The following SLC4A7 variants were observed in gnomAD, a reference collection of about 807,000 sequenced individuals.
The protein encoded by SLC4A7 is sodium bicarbonate cotransporter 3.
In SLC4A7, 51 loss-of-function variants were observed where a neutral mutation model predicts 137.6. That is an observed-to-expected ratio of 0.37 (90% CI 0.30 to 0.47). SLC4A7 has a LOEUF of 0.47. SLC4A7 is among the 20% of genes least tolerant of loss of function. The pLI is 1.00. For synonymous variants in SLC4A7, 542 were observed against 518.6 expected, an observed-to-expected ratio of 1.05 and a Z score of -0.61; for missense variants, 1,247 against 1,525.4, an observed-to-expected ratio of 0.82 and a Z score of 3.04.
At chr3:27,400,688 G>A in intron 16 of SLC4A7, 76 bp downstream of exon 16, 2 of 811,356 alleles carry the variant, frequency 2.5e-6, no homozygotes, top group Non-Finnish European at 4.0e-6. Context: ...AAGAGAAAAT[G>A]GATGTCTGAT....
chr3:27,479,984 C>T (rs1357773943), intron 1 of SLC4A7, among the ~76,000 whole-genome samples: 1 of 152,028 alleles, frequency 6.6e-6, no homozygotes, highest in East Asian at 1.9e-4. Context: ...AAGAAAACAC[C>T]CATTACAGGA....
chr3:27,413,038 ACTG>A (rs2054057989), intron 11 of SLC4A7, among the ~76,000 whole-genome samples: 1 of 152,166 alleles, frequency 6.6e-6, no homozygotes, highest in Admixed American at 6.5e-5. Flanking sequence ...ACTTTTAAAG[ACTG>A]CTGTTTGAAA....
At chr3:27,418,716 T>A in intron 10 of SLC4A7, 84 bp from the exon 11 acceptor site, 2 of 775,726 alleles carry the variant, frequency 2.6e-6, no homozygotes, top group Non-Finnish European at 4.2e-6. Context: ...ATATCATAAA[T>A]AGCTTCACAA....
chr3:27,427,696 C>G (rs200191666), intron 7 of SLC4A7, among the ~76,000 whole-genome samples: 2 of 152,000 alleles, frequency 1.3e-5, no homozygotes, highest in Non-Finnish European at 2.9e-5. Flanking sequence ...CTTTAAGCAC[C>G]GAAAGTAATT....
chr3:27,415,991 C>A (rs1161931366), intron 11 of SLC4A7, among the ~76,000 whole-genome samples: 2 of 152,190 alleles, frequency 1.3e-5, no homozygotes, highest in Non-Finnish European at 2.9e-5. Context: ...TTCTATGGTA[C>A]ATACCAAGAA....
intron 14 of SLC4A7, 81 bp from the exon 15 acceptor site, chr3:27,403,465 G>T: frequency 1.2e-6 from 1 of 856,826 alleles, no homozygotes; most frequent in Non-Finnish European, 1.8e-6. Flanking sequence ...GCAAGCAATG[G>T]GAACAGCAAG....
rs1450997297 is a variant in SLC4A7, at chr3:27,443,033, T to TC, written c.290-5508_290-5507insG. Among the ~76,000 whole-genome samples the TC allele has an allele frequency of 6.4e-4, 63 of 98,644 alleles. 2 individuals are homozygous for TC. Among genetic ancestry groups the TC allele is most frequent in the Non-Finnish European group, 1.2e-3 (54 of 45,768 alleles). The allele number at this position is 98,644 out of a possible 152,430, so 64.7% of individuals were successfully genotyped here. ...GGGCATTCTCTTTTTTCTTTTTTTC[T>TC]TTTTTTTTTTTTTTTTGAGATGGAG... On this transcript the variant is annotated intron_variant, in intron 3 of 25. Coordinates refer to ENST00000454389, the MANE Select transcript of SLC4A7 (RefSeq NM_001321103.2).
intron 24 of SLC4A7, among the ~76,000 whole-genome samples, chr3:27,381,367 T>TC (rs1224548773): frequency 6.6e-6 from 1 of 152,212 alleles, no homozygotes; most frequent in Admixed American, 6.5e-5. Flanking sequence ...TCATGGTAGT[T>TC]CCTATACTCT....
chr3:27,442,997 G>A (rs2057318698), intron 3 of SLC4A7, among the ~76,000 whole-genome samples: 1 of 148,936 alleles, frequency 6.7e-6, no homozygotes, highest in East Asian at 2.0e-4. Context: ...ACAGGCATTA[G>A]CCACCGCGCT....
At chr3:27,394,282 T>G (rs7623550) in intron 20 of SLC4A7, among the ~76,000 whole-genome samples, 140,724 of 152,180 alleles carry the variant, frequency 0.92, 65,175 homozygotes, top group East Asian at 1. Context: ...GCCTCCCAAA[T>G]TGCTGGGATT....
rs2049864527 is a variant in SLC4A7 at position 27,375,832 on chromosome 3, C to T, written c.*932G>A. On this transcript the variant is annotated 3_prime_UTR_variant, in exon 26 of 26. Coordinates refer to ENST00000454389, the MANE Select transcript of SLC4A7 (RefSeq NM_001321103.2). ...AATAAAGTAATACTGATCATAGACCCTTCTGAGAGAATTCTAACTCCTGAT... is the reference window on the plus strand; with the variant it reads ...AATAAAGTAATACTGATCATAGACCTTTCTGAGAGAATTCTAACTCCTGAT... The T allele has an allele frequency of 6.6e-6, 1 of 151,918 alleles. No individual in the cohort carries two copies. The highest frequency in any genetic ancestry group is 2.1e-4 in the South Asian group (1 of 4,826). 9.4% of individuals were successfully genotyped at this position (151,918 alleles called of 1,614,324 possible). A position where few individuals can be genotyped will look rare whatever the true frequency, so the allele number is the denominator to read the frequency against.
At chr3:27,465,965 AAG>A (rs71925275) in intron 1 of SLC4A7, among the ~76,000 whole-genome samples, 21,958 of 137,734 alleles carry the variant, frequency 0.16, 2,348 homozygotes, top group Non-Finnish European at 0.23. Context: ...AAAAAAAAAA[AAG>A]AAAGAAAGAA....
rs749688841 is a variant in SLC4A7, at chr3:27,431,532, A to G, written c.916T>C (p.Ser306Pro). ...PSSRAGTPAG[S>P]RCTTPVPTPQ... ...GTGGGTACTGGGGTTGTACACCTTGAGCCTGCAGGGGTTCCAGCTCTTGAA... is the reference window on the plus strand; with the variant it reads ...GTGGGTACTGGGGTTGTACACCTTGGGCCTGCAGGGGTTCCAGCTCTTGAA... Residue 306 changes from serine to proline, a missense_variant, in exon 7 of 26, where the codon TCA becomes CCA. Coordinates refer to ENST00000454389, the MANE Select transcript of SLC4A7 (RefSeq NM_001321103.2). The G allele has an allele frequency of 6.2e-7, 1 of 1,614,120 alleles. No individual in the cohort carries two copies. Among genetic ancestry groups the G allele is most frequent in the South Asian group, 1.1e-5 (1 of 91,076 alleles).
In SLC4A7 at chr3:27,439,620, T is replaced by C. The variant is rs567930363; in HGVS notation, c.290-2094A>G. 1.4e-4 allele frequency among the ~76,000 whole-genome samples: 22 copies of C among 152,330 alleles called. No homozygotes were observed. The South Asian group carries it at 4.6e-3, about 32-fold the overall frequency. ...GCTAAACTCACTTAGTTCTCTTAAG[T>C]ATTGTAGATTGCTTAGGATTTGCTA... On this transcript the variant is annotated intron_variant, in intron 3 of 25. Coordinates refer to ENST00000454389, the MANE Select transcript of SLC4A7 (RefSeq NM_001321103.2).
chr3:27,377,023 A>T (rs1559606072), intron 25 of SLC4A7, among the ~76,000 whole-genome samples, 178 bp from the exon 26 acceptor site: 1 of 152,154 alleles, frequency 6.6e-6, no homozygotes, highest in East Asian at 1.9e-4. Context: ...AATATTAAAA[A>T]TTGTTTTTTA....
intron 18 of SLC4A7, among the ~76,000 whole-genome samples, chr3:27,396,660 T>C (rs184761448): frequency 2.0e-5 from 3 of 152,188 alleles, no homozygotes; most frequent in Admixed American, 6.5e-5. Flanking sequence ...TAATATAAAA[T>C]AAAATGATCT....
intron 1 of SLC4A7, among the ~76,000 whole-genome samples, chr3:27,458,761 T>A (rs1000338997): frequency 6.6e-6 from 1 of 151,896 alleles, no homozygotes; most frequent in African/African-American, 2.4e-5. Context: ...GAGGCCGAGG[T>A]GGGCAGATTA....
intron 1 of SLC4A7, among the ~76,000 whole-genome samples, chr3:27,474,902 G>A (rs2059401394): frequency 6.6e-6 from 1 of 152,048 alleles, no homozygotes; most frequent in South Asian, 2.1e-4. Flanking sequence ...GAGGTCAGGA[G>A]TTCGAGACCT....
chr3:27,421,983 G>A (rs1447530837), intron 8 of SLC4A7, among the ~76,000 whole-genome samples: 1 of 152,238 alleles, frequency 6.6e-6, no homozygotes, highest in Middle Eastern at 3.4e-3. Context: ...TTGAATCAAT[G>A]CTACTGTTTT....
Sources: allele counts gnomAD v4.1 joint callset (sites outside exome capture counted in the v4.1 genomes callset), GRCh38; gene constraint gnomAD v4.1.1; transcripts MANE v1.5; gene names NCBI Gene and HGNC (gene_info 2026-07-23, HGNC 2026-07-21).